The following PPIP5K1 variants were observed in gnomAD, a reference collection of about 807,000 sequenced individuals.
The protein encoded by PPIP5K1 is diphosphoinositol pentakisphosphate kinase 1.
A neutral mutation model predicts 27.7 loss-of-function variants in PPIP5K1; 6 were observed. The observed-to-expected ratio is 0.22, with a 90% CI of 0.12 to 0.43. PPIP5K1 has a LOEUF of 0.43. PPIP5K1 is among the 20% of genes least tolerant of loss of function. The probability of loss-of-function intolerance (pLI) is 1.00; values close to 1 mark genes in which losing one functional copy is unlikely to be tolerated. For synonymous variants in PPIP5K1, 145 were observed against 242.6 expected (o/e 0.60, Z 3.74); for missense variants, 394 against 635.4 (o/e 0.62, Z 4.08).
chr15:43,547,832 C>A (rs1294389664), intron 30 of PPIP5K1, among the ~76,000 whole-genome samples: 1 of 152,132 alleles, frequency 6.6e-6, no homozygotes, highest in African/African-American at 2.4e-5. Flanking sequence ...GCTGTTCAGG[C>A]CCTCTTACAG....
chr15:43,552,758 G>A (rs940472933), intron 30 of PPIP5K1, among the ~76,000 whole-genome samples: 2 of 150,756 alleles, frequency 1.3e-5, no homozygotes, highest in Non-Finnish European at 3.0e-5. Flanking sequence ...AAATAAAAAA[G>A]GAGTCCAGGC....
intron 30 of PPIP5K1, among the ~76,000 whole-genome samples, chr15:43,546,654 ATTT>A (rs58966502): frequency 1.1e-4 from 12 of 106,548 alleles, no homozygotes; most frequent in East Asian, 4.4e-4. Flanking sequence ...CCTGTTTTCA[ATTT>A]TTTTTTTTTT....
chr15:43,552,888 C>A (rs2082411323), intron 30 of PPIP5K1, among the ~76,000 whole-genome samples: 1 of 151,924 alleles, frequency 6.6e-6, no homozygotes, highest in African/African-American at 2.4e-5. Flanking sequence ...ACTAAAAATA[C>A]AAAAATTAGT....
intron 31 of PPIP5K1, 146 bp from the exon 32 acceptor site, chr15:43,535,622 G>C: frequency 1.5e-6 from 1 of 680,210 alleles, no homozygotes; most frequent in Non-Finnish European, 2.4e-6. Flanking sequence ...GTTAAGCAGA[G>C]ACTCCTAAGT....
chr15:43,542,063 C>G (rs1478555997), intron 30 of PPIP5K1, among the ~76,000 whole-genome samples: 1 of 152,162 alleles, frequency 6.6e-6, no homozygotes, highest in Non-Finnish European at 1.5e-5. Context: ...CTTTCCCCTT[C>G]TGATTAGGGG....
intron 31 of PPIP5K1, among the ~76,000 whole-genome samples, chr15:43,538,588 G>T (rs138487934): frequency 6.6e-6 from 1 of 151,992 alleles, no homozygotes; most frequent in Non-Finnish European, 1.5e-5. Context: ...GTGCATTGGC[G>T]CCATCTCAGC....
chr15:43,540,436 C>T (rs1482678624), intron 30 of PPIP5K1, among the ~76,000 whole-genome samples: 3 of 151,910 alleles, frequency 2.0e-5, no homozygotes, highest in South Asian at 2.1e-4. Flanking sequence ...CAGTGGCTCA[C>T]GTCTGTAATC....
chr15:43,558,869 G>A lies in PPIP5K1; in HGVS notation c.3482C>T (p.Ser1161Phe). 6.2e-7 allele frequency: 1 copy of A among 1,614,138 alleles called. No individual in the cohort carries two copies. The stretch of plus-strand genomic sequence containing the variant: ...CAAGAATTCACTCACTTGACGTAGG[G>A]AAAGGGCATTATGCAGTGTTTCCAG... ...YPLETLHNAL[S>F]LRQVSEFLSR... The change falls in exon 30 of 32, where the codon TCC (serine) becomes TTC (phenylalanine). Residue 1161 changes from serine (S) to phenylalanine (F), a missense_variant. By Grantham distance (155) the Ser-to-Phe change is radical (BLOSUM62 -2). Around this residue, in one of 4 missense-constraint regions of PPIP5K1, gnomAD observed 379 missense variants for 423.9 expected, o/e 0.89. Coordinates refer to ENST00000420765, the MANE Select transcript of PPIP5K1 (RefSeq NM_001394395.1).
intron 31 of PPIP5K1, among the ~76,000 whole-genome samples, chr15:43,535,934 G>A (rs1371676236): frequency 6.6e-6 from 1 of 152,152 alleles, no homozygotes; most frequent in Non-Finnish European, 1.5e-5. Context: ...TTTGGAGGAG[G>A]GAGGAGGAAG....
intron 31 of PPIP5K1, chr15:43,536,234 C>G: frequency 2.3e-6 from 1 of 428,478 alleles, no homozygotes. Flanking sequence ...GCCTGGCCAA[C>G]ATGGCAAAAC....
intron 30 of PPIP5K1, among the ~76,000 whole-genome samples, chr15:43,553,145 G>T (rs2082445794): frequency 6.6e-6 from 1 of 152,164 alleles, no homozygotes; most frequent in South Asian, 2.1e-4. Flanking sequence ...GTTGGAGAAG[G>T]TCTTTTGTAT....
intron 11 of PPIP5K1, among the ~76,000 whole-genome samples, chr15:43,578,533 CGCAA>C (rs1567091328): frequency 4.6e-5 from 1 of 21,972 alleles, no homozygotes; most frequent in African/African-American, 2.4e-4. Context: ...CAGATCCTGT[CGCAA>C]AAAAAAAAAA....
chr15:43,558,371 G>C (rs896781981), intron 30 of PPIP5K1, among the ~76,000 whole-genome samples: 1 of 152,026 alleles, frequency 6.6e-6, no homozygotes, highest in Non-Finnish European at 1.5e-5. Flanking sequence ...GGGACTGCAG[G>C]CGCACACCAC....
intron 30 of PPIP5K1, among the ~76,000 whole-genome samples, chr15:43,551,956 A>G (rs2082261319): frequency 6.7e-6 from 1 of 149,264 alleles, no homozygotes; most frequent in African/African-American, 2.5e-5. Context: ...CATAAAGTAT[A>G]AATTAGATTA....
intron 30 of PPIP5K1, among the ~76,000 whole-genome samples, chr15:43,547,095 C>T (rs577559389): frequency 5.9e-5 from 9 of 152,214 alleles, no homozygotes; most frequent in Admixed American, 2.6e-4. Flanking sequence ...AATGGCTATC[C>T]GGTGGGTATG....
At chr15:43,554,532 A>G (rs1020811238) in intron 30 of PPIP5K1, among the ~76,000 whole-genome samples, 2 of 151,694 alleles carry the variant, frequency 1.3e-5, no homozygotes, top group African/African-American at 4.8e-5. Flanking sequence ...CTATTTGCAC[A>G]GAATATGTTT....
chr15:43,539,649 C>T, intron 30 of PPIP5K1, 66 bp from the exon 31 acceptor site: 1 of 1,000,422 alleles, frequency 1.0e-6, no homozygotes, highest in South Asian at 1.5e-5. Context: ...ATCCAGGAGC[C>T]ACACGTTCTC....
chr15:43,553,290 T>C (rs2082467702), intron 30 of PPIP5K1, among the ~76,000 whole-genome samples: 1 of 152,176 alleles, frequency 6.6e-6, no homozygotes, highest in Admixed American at 6.5e-5. Flanking sequence ...CATATGTCTG[T>C]TAGGTCGAGT....
At chr15:43,579,598 C>CGTGTGTGTGT (rs1168161790) in intron 10 of PPIP5K1, among the ~76,000 whole-genome samples, 815 of 29,830 alleles carry the variant, frequency 0.027, 45 homozygotes, top group Middle Eastern at 0.05. Flanking sequence ...TATATGTGTA[C>CGTGTGTGTGT]GTGTGTGTGT....
Sources: allele counts gnomAD v4.1 joint callset (sites outside exome capture counted in the v4.1 genomes callset), GRCh38; gene constraint gnomAD v4.1.1; regional missense constraint gnomAD v4.1.1; transcripts MANE v1.5; gene names NCBI Gene and HGNC (gene_info 2026-07-23, HGNC 2026-07-21).